The following GNPAT variants were observed in gnomAD, a reference collection of about 807,000 sequenced individuals.
GNPAT encodes dihydroxyacetone phosphate acyltransferase.
Under a neutral mutation model 78.4 loss-of-function variants are expected in GNPAT, and 30 were observed. That is an observed-to-expected ratio of 0.38 (90% CI 0.29 to 0.52). The LOEUF is 0.52. Among genes scored for constraint, GNPAT ranks in the 20% least tolerant of loss-of-function variants. The pLI, the probability that GNPAT is intolerant of heterozygous loss-of-function variation, is 0.84. For synonymous variants in GNPAT, 271 were observed against 281.1 expected (o/e 0.96, Z 0.36); for missense variants, 714 against 812.2 (o/e 0.88, Z 1.47).
intron 2 of GNPAT, among the ~76,000 whole-genome samples, chr1:231,254,608 AT>A (rs564899131): frequency 1.5e-3 from 211 of 142,820 alleles, no homozygotes; most frequent in South Asian, 8.3e-3. Flanking sequence ...TGCCCAGCTA[AT>A]TTTTTTTTTT....
intron 2 of GNPAT, among the ~76,000 whole-genome samples, chr1:231,256,049 C>G (rs1196044380): frequency 6.6e-6 from 1 of 152,116 alleles, no homozygotes; most frequent in East Asian, 1.9e-4. Flanking sequence ...ATTCCAGCCT[C>G]TGGTTTTATT....
chr1:231,256,462 A>G (rs1685064081), intron 2 of GNPAT, among the ~76,000 whole-genome samples: 1 of 147,574 alleles, frequency 6.8e-6, no homozygotes, highest in South Asian at 2.1e-4. Flanking sequence ...GTCAGTCACT[A>G]AGACTGCTAA....
chr1:231,251,587 C>G (rs1684900312), intron 2 of GNPAT, among the ~76,000 whole-genome samples: 1 of 152,008 alleles, frequency 6.6e-6, no homozygotes, highest in South Asian at 2.1e-4. Context: ...TTAGCATTAC[C>G]CAGGGAGCTT....
Position 231,241,978 on chromosome 1 carries a change from C to T in GNPAT, c.78+522C>T, listed in dbSNP as rs570220894. ...TTAGAACTTCTAGACATTTTTATTG[C>T]CTGTTCTTGTCTTCCAGTCATTATT... On this transcript the variant is annotated intron_variant, in intron 1 of 15. Coordinates refer to ENST00000366647, the MANE Select transcript of GNPAT (RefSeq NM_014236.4). Among the ~76,000 whole-genome samples, 8 of 152,326 alleles carry T rather than the reference C, an allele frequency of 5.3e-5. No individual in the cohort carries two copies. In the South Asian group the frequency reaches 1.5e-3, roughly 28 times the overall value.
chr1:231,253,612 T>C (rs1164468734), intron 2 of GNPAT, among the ~76,000 whole-genome samples: 1 of 152,212 alleles, frequency 6.6e-6, no homozygotes, highest in Non-Finnish European at 1.5e-5. Context: ...CTGGAGAGGC[T>C]ATCAGTTTTA....
Position 231,273,905 on chromosome 1 carries a change from T to A in GNPAT, c.1603-17T>A, listed in dbSNP as rs756968737. ...CATTAACCTAGATGAACATTATGGC[T>A]TCCTCTTCCCTTCTAGGACTTTGAA... is the stretch of plus-strand genomic sequence containing the variant. On this transcript the variant is annotated splice_polypyrimidine_tract_variant and intron_variant, in intron 11 of 15. Coordinates refer to ENST00000366647, the MANE Select transcript of GNPAT (RefSeq NM_014236.4). 1 of 1,609,548 alleles carries A rather than the reference T, an allele frequency of 6.2e-7. No homozygotes were observed. Among genetic ancestry groups the A allele is most frequent in the East Asian group, 2.2e-5 (1 of 44,846 alleles).
chr1:231,247,723 A>G (rs1012530438), intron 1 of GNPAT, among the ~76,000 whole-genome samples: 2 of 152,220 alleles, frequency 1.3e-5, no homozygotes, highest in Non-Finnish European at 2.9e-5. Flanking sequence ...AGGCATTCAG[A>G]TATTTGAGAA....
intron 2 of GNPAT, among the ~76,000 whole-genome samples, chr1:231,259,922 G>A (rs758082178): frequency 6.6e-6 from 1 of 152,206 alleles, no homozygotes; most frequent in African/African-American, 2.4e-5. Flanking sequence ...CCAGGCCCTT[G>A]ACAGTCCCAG....
intron 2 of GNPAT, among the ~76,000 whole-genome samples, chr1:231,258,756 G>A (rs1199148874): frequency 2.1e-5 from 3 of 144,228 alleles, no homozygotes; most frequent in Admixed American, 7.2e-5. Context: ...TCAGCCTCCC[G>A]AGTAGCTGGG....
chr1:231,248,827 A>G (rs557918118), intron 1 of GNPAT, among the ~76,000 whole-genome samples: 1 of 152,322 alleles, frequency 6.6e-6, no homozygotes, highest in East Asian at 1.9e-4. Flanking sequence ...AGCATTCAGT[A>G]CAGTAACATG....
At chr1:231,253,191 G>A (rs559537583) in intron 2 of GNPAT, among the ~76,000 whole-genome samples, 7 of 152,004 alleles carry the variant, frequency 4.6e-5, no homozygotes, top group African/African-American at 1.2e-4. Flanking sequence ...GGATGGTCTC[G>A]ATCTCCTGAC....
chr1:231,276,079 A>T, intron 14 of GNPAT, 56 bp from the exon 15 acceptor site: 1 of 809,118 alleles, frequency 1.2e-6, no homozygotes. Context: ...ACAAAATATA[A>T]AAGTTGTCTT....
chr1:231,255,939 C>T (rs1313991540), intron 2 of GNPAT, among the ~76,000 whole-genome samples: 1 of 152,162 alleles, frequency 6.6e-6, no homozygotes, highest in African/African-American at 2.4e-5. Context: ...TGACACCATA[C>T]CATCACCCTA....
In GNPAT at chr1:231,241,316, A is replaced by T; in HGVS notation, c.-63A>T. Reference sequence around the variant, plus strand: ...CGTCCTGAGCGAAAGAACCGCCCCCAGCAGGAGCACCACCACGGCTTAGCA... The same window carrying T: ...CGTCCTGAGCGAAAGAACCGCCCCCTGCAGGAGCACCACCACGGCTTAGCA... On this transcript the variant is annotated 5_prime_UTR_variant, in exon 1 of 16. Transcript: ENST00000366647. 1 of 1,463,924 alleles carries T rather than the reference A, an allele frequency of 6.8e-7. No individual in the cohort carries two copies. The highest frequency in any genetic ancestry group is 9.6e-7 in the Non-Finnish European group (1 of 1,042,944). 90.7% of individuals were successfully genotyped at this position (1,463,924 alleles called of 1,614,324 possible).
chr1:231,262,856 T>C lies in GNPAT; in HGVS notation c.568+4T>C, dbSNP rs369702539. 1.2e-6 allele frequency: 2 copies of C among 1,610,178 alleles called. No homozygotes were observed. The highest frequency in any genetic ancestry group is 1.3e-5 in the African/African-American group (1 of 74,862). On this transcript the variant is annotated splice_donor_region_variant and intron_variant, in intron 4 of 15. Transcript: ENST00000366647. ...CCAGTTATAGCAGCAGGAATGGGTATGTATTGTTTTTCTGTTTTTTTAACT... is the reference window on the plus strand; with the variant it reads ...CCAGTTATAGCAGCAGGAATGGGTACGTATTGTTTTTCTGTTTTTTTAACT...
chr1:231,267,566 G>T (rs923915798), intron 8 of GNPAT, 114 bp from the exon 9 acceptor site: 29 of 765,246 alleles, frequency 3.8e-5, no homozygotes, highest in Non-Finnish European at 6.2e-5. Flanking sequence ...TGACCTGAGA[G>T]AATTCAGTTG....
At chr1:231,259,720 C>T (rs1374367310) in intron 2 of GNPAT, among the ~76,000 whole-genome samples, 1 of 151,696 alleles carries the variant, frequency 6.6e-6, no homozygotes. Flanking sequence ...TAAGATACTT[C>T]TTCACTACAT....
chr1:231,247,061 C>T (rs746649352), intron 1 of GNPAT, among the ~76,000 whole-genome samples: 22 of 151,920 alleles, frequency 1.4e-4, no homozygotes, highest in Admixed American at 2.6e-4. Flanking sequence ...CCCAGCCGCT[C>T]GGCAGGCTGA....
In GNPAT at chr1:231,271,015, T is replaced by A. The variant is rs200561922; in HGVS notation, c.1522+15T>A. ...GTTCAGGAAAGGTAATTTTCAGGAA[T>A]GCAATCTTGACTTTTAGAAGAGGTC... is the stretch of plus-strand genomic sequence containing the variant. On this transcript the variant is annotated intron_variant, in intron 10 of 15. Coordinates refer to ENST00000366647, the MANE Select transcript of GNPAT (RefSeq NM_014236.4). 3 of 1,613,982 alleles carry A rather than the reference T, an allele frequency of 1.9e-6. No homozygotes were observed. The highest frequency in any genetic ancestry group is 2.5e-6 in the Non-Finnish European group (3 of 1,179,824).
Sources: allele counts gnomAD v4.1 joint callset (sites outside exome capture counted in the v4.1 genomes callset), GRCh38; gene constraint gnomAD v4.1.1; transcripts MANE v1.5; gene names NCBI Gene and HGNC (gene_info 2026-07-23, HGNC 2026-07-21).